The following TTC1 variants were observed in gnomAD, a reference collection of about 807,000 sequenced individuals.
TTC1 encodes tetratricopeptide repeat protein 1.
TTC1 carries 31 observed loss-of-function variants against 37.6 expected under a neutral mutation model. The observed-to-expected ratio is 0.82, with a 90% CI of 0.62 to 1.11. TTC1 has a LOEUF of 1.11. TTC1 is among the 50% of genes most tolerant of loss of function. TTC1 has a pLI of 0.00. For synonymous variants in TTC1, 127 were observed against 122.4 expected (o/e 1.04, Z -0.25); for missense variants, 351 against 339.0 (o/e 1.04, Z -0.28).
intron 7 of TTC1, among the ~76,000 whole-genome samples, chr5:160,062,484 C>T (rs192326532): frequency 1.3e-5 from 2 of 152,330 alleles, no homozygotes; most frequent in African/African-American, 4.8e-5. Flanking sequence ...GGGTCTGCCT[C>T]CCCACTAGAC....
intron 4 of TTC1, 134 bp from the exon 5 acceptor site, chr5:160,042,999 G>C: frequency 1.1e-6 from 1 of 925,866 alleles, no homozygotes; most frequent in South Asian, 2.2e-5. Context: ...TAACATTCAG[G>C]TTTTTACGTA....
intron 5 of TTC1, among the ~76,000 whole-genome samples, chr5:160,045,504 ACACACACACATACACACT>A (rs1757201630): frequency 1.1e-5 from 1 of 95,140 alleles, no homozygotes; most frequent in Non-Finnish European, 2.1e-5. Context: ...ACACACACAC[ACACACACACATACACACT>A]CTCTCTCTCT....
At position 160,023,681 on chromosome 5, in the gene TTC1, C is replaced by T. The variant is rs147181214; in HGVS notation, c.331-11459C>T. 933 of 1,437,910 alleles carry T rather than the reference C, an allele frequency of 6.5e-4. 2 individuals are homozygous for T. The African/African-American group carries it at 0.011, about 17-fold the overall frequency. The allele number at this position is 1,437,910 out of a possible 1,614,324, so 89.1% of individuals were successfully genotyped here. A position where few individuals can be genotyped will look rare whatever the true frequency, so the allele number is the denominator to read the frequency against. On this transcript the variant is annotated intron_variant, in intron 2 of 7. Coordinates refer to ENST00000231238, the MANE Select transcript of TTC1 (RefSeq NM_003314.3). ...ATACAAGGCTCAATGGGGACAAAGCCGTGTGCACAAGGCATGTCACATGTT... is the reference window on the plus strand; with the variant it reads ...ATACAAGGCTCAATGGGGACAAAGCTGTGTGCACAAGGCATGTCACATGTT...
At chr5:160,060,329 G>A (rs1757664529) in intron 7 of TTC1, among the ~76,000 whole-genome samples, 1 of 152,226 alleles carries the variant, frequency 6.6e-6, no homozygotes, top group Non-Finnish European at 1.5e-5. Flanking sequence ...GGGTTATGGT[G>A]ATATGCTACT....
In TTC1 at chr5:160,058,428, T is replaced by G. The variant is rs1305366272; in HGVS notation, c.746-6504T>G. Among the ~76,000 whole-genome samples the G allele has an allele frequency of 8.8e-5, 13 of 148,166 alleles. No individual in the cohort carries two copies. The Admixed American group carries it at 8.8e-4, about 10-fold the overall frequency. ...GTATTTCTTTTTTTTTTTTTTTTTT[T>G]GAGACGGAGTCTCGCTGTGTCGCCC... On this transcript the variant is annotated intron_variant, in intron 7 of 7. Coordinates refer to ENST00000231238, the MANE Select transcript of TTC1 (RefSeq NM_003314.3).
chr5:160,010,413 G>A, intron 1 of TTC1, 87 bp from the exon 2 acceptor site: 1 of 775,936 alleles, frequency 1.3e-6, no homozygotes. Context: ...TTTTTTGGCT[G>A]TAATGCAGAG....
intron 2 of TTC1, among the ~76,000 whole-genome samples, chr5:160,032,778 G>A (rs1239686138): frequency 7.0e-6 from 1 of 143,252 alleles, no homozygotes; most frequent in Admixed American, 7.3e-5. Context: ...CAGTGGCGCG[G>A]CCTTGACTCA....
rs757450483 is a variant in TTC1, at chr5:160,010,771, C to T, written c.243C>T (p.Asn81=). Residue 81 remains asparagine, a synonymous_variant, in exon 2 of 8, where the codon AAC becomes AAT. Transcript: ENST00000231238. ...AGCCAGGAGCGGACAAGGTTGAGAA[C>T]AAATCTAATGAAGATGTGAATTCCT... ...EEEPGADKVE[N]KSNEDVNSSE... 1 of 1,614,092 alleles carries T rather than the reference C, an allele frequency of 6.2e-7. No individual in the cohort carries two copies. The highest frequency in any genetic ancestry group is 2.2e-5 in the East Asian group (1 of 44,884).
At chr5:160,050,305 G>A (rs954980493) in intron 6 of TTC1, among the ~76,000 whole-genome samples, 58 of 151,832 alleles carry the variant, frequency 3.8e-4, no homozygotes, top group Non-Finnish European at 4.1e-4. Flanking sequence ...AAATTAGCTG[G>A]GTGTGGTGGC....
chr5:160,014,162 A>T (rs1756556331), intron 2 of TTC1, among the ~76,000 whole-genome samples: 1 of 151,876 alleles, frequency 6.6e-6, no homozygotes, highest in South Asian at 2.1e-4. Context: ...ACCCGAGACC[A>T]GCCTGGCCAA....
chr5:160,013,647 G>A (rs1264178007), intron 2 of TTC1, among the ~76,000 whole-genome samples: 1 of 151,688 alleles, frequency 6.6e-6, no homozygotes, highest in Non-Finnish European at 1.5e-5. Flanking sequence ...GGAGGCTGCG[G>A]CAGGAGAATC....
At chr5:160,022,776 T>C (rs1203719325) in intron 2 of TTC1, among the ~76,000 whole-genome samples, 1 of 152,220 alleles carries the variant, frequency 6.6e-6, no homozygotes, top group Non-Finnish European at 1.5e-5. Flanking sequence ...ATCTTCTTTA[T>C]GTAAAGAAGT....
chr5:160,020,222 T>C (rs1291665586), intron 2 of TTC1, among the ~76,000 whole-genome samples: 3 of 152,234 alleles, frequency 2.0e-5, no homozygotes, highest in African/African-American at 7.2e-5. Context: ...CCTTTGGAAC[T>C]AAGGTGGTCA....
intron 6 of TTC1, 47 bp from the exon 7 acceptor site, chr5:160,051,082 G>GTTTT: frequency 1.2e-5 from 15 of 1,236,460 alleles, no homozygotes; most frequent in Admixed American, 2.4e-5. Context: ...AAAGGTTTTG[G>GTTTT]TTTTTTTTTT....
At chr5:160,023,899 G>A in intron 2 of TTC1, 3 of 1,603,048 alleles carry the variant, frequency 1.9e-6, no homozygotes, top group Non-Finnish European at 2.6e-6. Flanking sequence ...TCCTTGTGGG[G>A]TCAGGCTTCT....
chr5:160,048,788 T>A (rs1757325341), intron 5 of TTC1, among the ~76,000 whole-genome samples: 1 of 152,110 alleles, frequency 6.6e-6, no homozygotes, highest in South Asian at 2.1e-4. Flanking sequence ...CCATCTCTAC[T>A]AAAAATACAA....
chr5:160,052,574 A>AAAAAATTTTTT (rs70987992), intron 7 of TTC1, among the ~76,000 whole-genome samples: 1 of 148,132 alleles, frequency 6.8e-6, no homozygotes. Flanking sequence ...AAAAAAAAAA[A>AAAAAATTTTTT]CTGTTTGCAT....
intron 6 of TTC1, among the ~76,000 whole-genome samples, chr5:160,050,702 T>G (rs1757379036): frequency 6.7e-6 from 1 of 150,058 alleles, no homozygotes; most frequent in Non-Finnish European, 1.5e-5. Context: ...CATGGCATAC[T>G]GCACCCTCAA....
At chr5:160,049,741 G>A in intron 6 of TTC1, 79 bp downstream of exon 6, 3 of 1,206,270 alleles carry the variant, frequency 2.5e-6, no homozygotes, top group Non-Finnish European at 3.3e-6. Flanking sequence ...AATCCTTTCA[G>A]ACACAATTAA....
Sources: allele counts gnomAD v4.1 joint callset (sites outside exome capture counted in the v4.1 genomes callset), GRCh38; gene constraint gnomAD v4.1.1; transcripts MANE v1.5; gene names NCBI Gene and HGNC (gene_info 2026-07-23, HGNC 2026-07-21).